Variants in CCDC175 observed in about 807,000 individuals in gnomAD.
The protein encoded by CCDC175 is coiled-coil domain containing 175, also known as coiled-coil domain-containing protein 175.
In CCDC175, 100 loss-of-function variants were observed where a neutral mutation model predicts 114.6. The ratio of observed to expected loss-of-function variants is 0.87; its 90% CI spans 0.74 to 1.03. CCDC175 has a LOEUF of 1.03. Ranked by LOEUF, CCDC175 falls within the 50% of genes least tolerant of loss-of-function variation. The probability of loss-of-function intolerance (pLI) is 0.00; values close to 1 mark genes in which losing one functional copy is unlikely to be tolerated. For missense variants in CCDC175, 880 were observed against 917.8 expected (o/e 0.96, Z 0.53); for synonymous variants, 306 against 308.7 (o/e 0.99, Z 0.09).
At chr14:59,568,846 G>C (rs925369868) in intron 3 of CCDC175, among the ~76,000 whole-genome samples, 16 of 152,160 alleles carry the variant, frequency 1.1e-4, no homozygotes, top group Admixed American at 2.6e-4. Flanking sequence ...GGTCTTGGGG[G>C]CTTCTTCTCA....
intron 13 of CCDC175, among the ~76,000 whole-genome samples, chr14:59,535,546 T>G (rs1894342752): frequency 6.6e-6 from 1 of 152,214 alleles, no homozygotes; most frequent in Non-Finnish European, 1.5e-5. Flanking sequence ...TTGGTTACCA[T>G]TTTTGTTCAA....
Position 59,554,760 on chromosome 14 carries a change from G to T in CCDC175, c.954-3324C>A, listed in dbSNP as rs1015579538. 5.9e-5 allele frequency among the ~76,000 whole-genome samples: 9 copies of T among 152,144 alleles called. No individual in the cohort carries two copies. The South Asian group carries it at 6.2e-4, about 11-fold the overall frequency. ...GAAAAGAGAGAAGAATCAAATAGAC[G>T]CAAGAAAAAATGATAACTGGGATAT... On this transcript the variant is annotated intron_variant, in intron 7 of 19. Coordinates refer to ENST00000537690, the MANE Select transcript of CCDC175 (RefSeq NM_001164399.2).
chr14:59,569,492 G>A (rs1472395145), intron 3 of CCDC175, among the ~76,000 whole-genome samples: 3 of 152,172 alleles, frequency 2.0e-5, no homozygotes, highest in African/African-American at 7.2e-5. Flanking sequence ...TAAGCATTTA[G>A]CATGTATCAA....
intron 2 of CCDC175, among the ~76,000 whole-genome samples, chr14:59,573,101 G>A (rs1203262185): frequency 6.6e-6 from 1 of 151,940 alleles, no homozygotes; most frequent in Non-Finnish European, 1.5e-5. Context: ...TAAAAGGAAA[G>A]ACTAACAAAA....
In CCDC175 at chr14:59,531,919, A is replaced by G; in HGVS notation, c.1624-9T>C. ...TCCTTAACAAATATTTCCTTTAAAG[A>G]AAATAAAATCAATTGAGAAATATAA... On this transcript the variant is annotated splice_polypyrimidine_tract_variant and intron_variant, in intron 13 of 19. Transcript: ENST00000537690. 9.2e-7 allele frequency: 1 copy of G among 1,091,312 alleles called. No homozygotes were observed. Among genetic ancestry groups the G allele is most frequent in the Non-Finnish European group, 1.3e-6 (1 of 765,342 alleles). 67.6% of individuals were successfully genotyped at this position (1,091,312 alleles called of 1,614,324 possible). A position where few individuals can be genotyped will look rare whatever the true frequency, so the allele number is the denominator to read the frequency against.
chr14:59,510,277 A>G (rs754917081), intron 19 of CCDC175, among the ~76,000 whole-genome samples: 20 of 152,178 alleles, frequency 1.3e-4, no homozygotes, highest in Non-Finnish European at 2.1e-4. Flanking sequence ...AACAGTTGCT[A>G]TTTTTAATGC....
intron 14 of CCDC175, among the ~76,000 whole-genome samples, chr14:59,530,347 A>G (rs1351952829): frequency 1.3e-5 from 2 of 151,738 alleles, no homozygotes; most frequent in East Asian, 3.9e-4. Context: ...AGCCTGGACA[A>G]CAGAGTGAGA....
At chr14:59,537,684 G>C (rs533188237) in intron 13 of CCDC175, among the ~76,000 whole-genome samples, 2 of 152,070 alleles carry the variant, frequency 1.3e-5, no homozygotes, top group Non-Finnish European at 2.9e-5. Flanking sequence ...TCTTTTTAAA[G>C]AGCACATCTG....
intron 19 of CCDC175, 34 bp from the exon 20 acceptor site, chr14:59,505,349 T>G (rs1260956534): frequency 8.2e-7 from 1 of 1,218,404 alleles, no homozygotes; most frequent in African/African-American, 1.5e-5. Flanking sequence ...AAAAATTTTA[T>G]TTGTATTGCA....
chr14:59,531,809 T>C lies in CCDC175; in HGVS notation c.1725A>G (p.Lys575=), dbSNP rs758819001. The change falls in exon 14 of 20, where the codon AAA becomes AAG. Residue 575 remains lysine (K), a synonymous_variant. Coordinates refer to ENST00000537690, the MANE Select transcript of CCDC175 (RefSeq NM_001164399.2). ...TACTGAGCTCTTCTAACTTTCTTCT[T>C]TTCTCTTTATACTCTTGTTCTGCCA... The part of the protein sequence containing the change: ...LQVAEQEYKE[K]RRKLEELSNI... 2.0e-6 allele frequency: 3 copies of C among 1,498,260 alleles called. No individual in the cohort carries two copies. The highest frequency in any genetic ancestry group is 2.5e-5 in the South Asian group (2 of 79,982). The allele number at this position is 1,498,260 out of a possible 1,614,324, so 92.8% of individuals were successfully genotyped here.
Position 59,535,611 on chromosome 14 carries a change from A to G in CCDC175, c.1623+2412T>C, listed in dbSNP as rs75335850. On this transcript the variant is annotated intron_variant, in intron 13 of 19. Transcript: ENST00000537690. The stretch of plus-strand genomic sequence containing the variant: ...CTTTAGCTCCCTAATTGTTCTTCCT[A>G]TGTCCACCCTTTTCTTTCCTAAATT... Among the ~76,000 whole-genome samples, 613 of 152,206 alleles carry G rather than the reference A, an allele frequency of 4.0e-3. 4 individuals are homozygous for G. The highest frequency in any genetic ancestry group is 0.014 in the African/African-American group (573 of 41,530).
At position 59,514,278 on chromosome 14, in the gene CCDC175, C is replaced by T. The variant is rs551428944; in HGVS notation, c.2099-2475G>A. ...GAGTGCCTCTCTTCCTCCAAAGGAA[C>T]GCAGCTCCTCACCAGCAATGGAACA... On this transcript the variant is annotated intron_variant, in intron 17 of 19. Coordinates refer to ENST00000537690, the MANE Select transcript of CCDC175 (RefSeq NM_001164399.2). Among the ~76,000 whole-genome samples, 11 of 152,274 alleles carry T rather than the reference C, an allele frequency of 7.2e-5. No individual in the cohort carries two copies. In the East Asian group the frequency reaches 7.7e-4, roughly 11 times the overall value.
At chr14:59,526,842 C>T (rs1893768602) in intron 15 of CCDC175, among the ~76,000 whole-genome samples, 1 of 152,132 alleles carries the variant, frequency 6.6e-6, no homozygotes, top group Non-Finnish European at 1.5e-5. Context: ...AGTCTCTCTC[C>T]CTCTTTCTCT....
At chr14:59,526,880 T>C (rs887636941) in intron 15 of CCDC175, among the ~76,000 whole-genome samples, 1 of 152,222 alleles carries the variant, frequency 6.6e-6, no homozygotes, top group Non-Finnish European at 1.5e-5. Flanking sequence ...AGTATACATA[T>C]ATACACATAC....
intron 19 of CCDC175, among the ~76,000 whole-genome samples, chr14:59,507,618 T>C (rs1430723021): frequency 6.6e-6 from 1 of 152,216 alleles, no homozygotes; most frequent in Non-Finnish European, 1.5e-5. Flanking sequence ...ATTCAAAAGC[T>C]GGGAGGTTAC....
intron 1 of CCDC175, 34 bp from the exon 2 acceptor site, chr14:59,575,062 T>C (rs1417524767): frequency 8.3e-7 from 1 of 1,209,400 alleles, no homozygotes; most frequent in Non-Finnish European, 1.2e-6. Flanking sequence ...AGATCTCTTA[T>C]TTATCTATCC....
intron 17 of CCDC175, among the ~76,000 whole-genome samples, chr14:59,521,019 G>A (rs1383612447): frequency 6.6e-6 from 1 of 152,192 alleles, no homozygotes; most frequent in Non-Finnish European, 1.5e-5. Context: ...AACTTTATAT[G>A]TAAAGAACAC....
At chr14:59,543,614 T>C (rs952098748) in intron 9 of CCDC175, among the ~76,000 whole-genome samples, 160 bp from the exon 10 acceptor site, 1 of 152,232 alleles carries the variant, frequency 6.6e-6, no homozygotes, top group African/African-American at 2.4e-5. Context: ...TAGCTAGATC[T>C]AAATTTATGC....
chr14:59,566,715 C>G (rs1896569430), intron 4 of CCDC175, among the ~76,000 whole-genome samples: 1 of 152,212 alleles, frequency 6.6e-6, no homozygotes, highest in African/African-American at 2.4e-5. Context: ...AACAGCTGCT[C>G]TGTCTGTATC....
Sources: gnomAD v4.1 joint callset for allele counts (sites outside exome capture counted in the v4.1 genomes callset) on GRCh38, gnomAD v4.1.1 for gene constraint, MANE v1.5 for transcripts, NCBI Gene and HGNC (gene_info 2026-07-23, HGNC 2026-07-21) for gene names.